ARID1B: variants seen among roughly 807,000 people sequenced by gnomAD.
ARID1B encodes AT-rich interaction domain 1B.
In ARID1B, 30 loss-of-function variants were observed where a neutral mutation model predicts 212.3. The ratio of observed to expected loss-of-function variants is 0.14; its 90% CI spans 0.11 to 0.19. ARID1B has a LOEUF of 0.19. Among genes scored for constraint, ARID1B ranks in the 10% least tolerant of loss-of-function variants. ARID1B has a pLI of 1.00. For missense variants in ARID1B, 2,891 were observed against 3,204.0 expected (o/e 0.90, Z 2.36); for synonymous variants, 1,402 against 1,301.7 (o/e 1.08, Z -1.66).
chr6:157,089,717 A>G (rs912963989), intron 5 of ARID1B, among the ~76,000 whole-genome samples: 3 of 152,146 alleles, frequency 2.0e-5, no homozygotes, highest in Non-Finnish European at 4.4e-5. Context: ...ATACTGATGT[A>G]TTTATATTTA....
intron 1 of ARID1B, among the ~76,000 whole-genome samples, chr6:156,788,041 T>A (rs140849106): frequency 1.6e-3 from 247 of 152,220 alleles, no homozygotes; most frequent in African/African-American, 5.6e-3. Flanking sequence ...TGGGGCTTGT[T>A]TTCTCATTCT....
intron 4 of ARID1B, among the ~76,000 whole-genome samples, chr6:157,026,930 T>C (rs1210913540): frequency 1.3e-5 from 2 of 152,222 alleles, no homozygotes; most frequent in Admixed American, 1.3e-4. Flanking sequence ...TTACAGAGTG[T>C]CCTGTATTAG....
intron 4 of ARID1B, among the ~76,000 whole-genome samples, chr6:157,068,395 T>G (rs966560364): frequency 1.6e-4 from 24 of 152,322 alleles, no homozygotes; most frequent in Admixed American, 9.2e-4. Flanking sequence ...TCTTGTTTTA[T>G]GGACCTGTGC....
At chr6:157,130,861 G>A (rs1788497301) in intron 6 of ARID1B, among the ~76,000 whole-genome samples, 2 of 152,190 alleles carry the variant, frequency 1.3e-5, no homozygotes, top group Non-Finnish European at 1.5e-5. Flanking sequence ...ACCTGGTAAC[G>A]TGGGCCCCTC....
chr6:156,934,912 TTATATATATATATATATATATATATA>T lies in ARID1B; in HGVS notation c.2137-529_2137-504del, dbSNP rs201495355. Among the ~76,000 whole-genome samples the T allele has an allele frequency of 4.9e-3, 258 of 52,688 alleles. 3 individuals carry two copies. Among genetic ancestry groups the T allele is most frequent in the East Asian group, 0.011 (12 of 1,100 alleles). 34.6% of individuals were successfully genotyped at this position (52,688 alleles called of 152,430 possible). On this transcript the variant is annotated intron_variant, in intron 3 of 19. Coordinates refer to ENST00000636930, the MANE Select transcript of ARID1B (RefSeq NM_001374828.1). ...GTCTCATAATAAATTTAGTTGTTAA[TTATATATATATATATATATATATATA>T]TATATATATATATATATATATATAG...
rs1301230945 is a variant in ARID1B at position 156,778,208 on chromosome 6, C to A, written c.528C>A (p.His176Gln). 6.5e-7 allele frequency: 1 copy of A among 1,540,282 alleles called. No homozygotes were observed. Among genetic ancestry groups the A allele is most frequent in the East Asian group, 2.4e-5 (1 of 40,828 alleles). ...ACCACCACCACCATGCCCACCACCACCACCACCATGCCCACCACCTCCACC... is the reference window on the plus strand; with the variant it reads ...ACCACCACCACCATGCCCACCACCAACACCACCATGCCCACCACCTCCACC... ...QHHHHHHAHH[H>Q]HHHAHHLHHH... is the part of the protein sequence containing the mutation. The change falls in exon 1 of 20, where the codon CAC becomes CAA. Residue 176 changes from histidine to glutamine, a missense_variant. His to Gln is a conservative substitution (Grantham distance 24). This residue lies in a region of ARID1B where 1,643 missense variants were observed against 1,544.0 expected (regional missense o/e 1.06). Coordinates refer to ENST00000636930, the MANE Select transcript of ARID1B (RefSeq NM_001374828.1).
intron 13 of ARID1B, chr6:157,186,586 T>C (rs1447563708): frequency 2.1e-6 from 1 of 465,650 alleles, no homozygotes; most frequent in Non-Finnish European, 4.5e-6. Context: ...GGAAACATTT[T>C]TGTTGTTAAA....
intron 4 of ARID1B, among the ~76,000 whole-genome samples, chr6:157,069,938 T>TA (rs1783907196): frequency 6.6e-6 from 1 of 152,210 alleles, no homozygotes. Flanking sequence ...GTTGTTCTCT[T>TA]AAAAGGCATG....
rs183544674 is a variant in ARID1B at position 157,118,481 on chromosome 6, C to T, written c.2581+7920C>T. Among the ~76,000 whole-genome samples the T allele has an allele frequency of 4.6e-5, 7 of 152,344 alleles. No individual in the cohort carries two copies. The East Asian group carries it at 1.3e-3, about 29-fold the overall frequency. On this transcript the variant is annotated intron_variant, in intron 6 of 19. Transcript: ENST00000636930. Reference sequence around the variant, plus strand: ...ATCAGCAATAATCTACCCTCACCCCCAGATGCAATTAACTTAGCCTCCACT... The same window carrying T: ...ATCAGCAATAATCTACCCTCACCCCTAGATGCAATTAACTTAGCCTCCACT...
chr6:156,988,701 TTTCAGGAGAGTGGGGAAGTGCGC>T (rs1778088406), intron 4 of ARID1B, among the ~76,000 whole-genome samples: 1 of 152,188 alleles, frequency 6.6e-6, no homozygotes, highest in African/African-American at 2.4e-5. Flanking sequence ...TTTGCCTGTG[TTTCAGGAGAGTGGGGAAGTGCGC>T]TTCAATCACT....
chr6:156,836,300 A>G (rs142211971), intron 2 of ARID1B, among the ~76,000 whole-genome samples: 18 of 152,278 alleles, frequency 1.2e-4, no homozygotes, highest in African/African-American at 2.2e-4. Flanking sequence ...GCCCATATCA[A>G]TGACACCTGA....
chr6:157,026,140 G>T (rs1035835017), intron 4 of ARID1B, among the ~76,000 whole-genome samples: 1 of 152,146 alleles, frequency 6.6e-6, no homozygotes, highest in African/African-American at 2.4e-5. Context: ...GGCCAGGCTG[G>T]TCTCAAACTC....
chr6:156,946,144 G>T (rs567204392), intron 4 of ARID1B, among the ~76,000 whole-genome samples: 1 of 149,520 alleles, frequency 6.7e-6, no homozygotes. Context: ...ACCACTTGAG[G>T]TCAGGAGTTC....
intron 4 of ARID1B, among the ~76,000 whole-genome samples, chr6:157,039,432 G>T (rs191255271): frequency 1.4e-5 from 2 of 147,012 alleles, no homozygotes; most frequent in East Asian, 4.1e-4. Context: ...CCGGGTTCAC[G>T]CCATTCTCCT....
Position 157,201,544 on chromosome 6 carries a change from T to C in ARID1B, c.5263+56T>C. On this transcript the variant is annotated intron_variant, in intron 18 of 19. Transcript: ENST00000636930. The surrounding 1 kb of genome is among the most constrained non-coding windows in gnomAD (Gnocchi z 5.2). ...GAATTCCAGTTGCAGTGTAGAATTT[T>C]AATTTTAGTAAAGATGCTGTTCCTG... 1.4e-6 allele frequency: 2 copies of C among 1,469,894 alleles called. No homozygotes were observed. Among genetic ancestry groups the C allele is most frequent in the Non-Finnish European group, 1.8e-6 (2 of 1,107,824 alleles). 91.1% of individuals were successfully genotyped at this position (1,469,894 alleles called of 1,614,324 possible).
At chr6:156,928,658 A>G (rs1406315235) in intron 3 of ARID1B, among the ~76,000 whole-genome samples, 1 of 152,174 alleles carries the variant, frequency 6.6e-6, no homozygotes, top group African/African-American at 2.4e-5. Flanking sequence ...ACAGGGAGAA[A>G]GAGAAGAGCC....
intron 4 of ARID1B, among the ~76,000 whole-genome samples, chr6:157,011,751 C>G (rs956392665): frequency 1.3e-5 from 2 of 152,162 alleles, no homozygotes; most frequent in African/African-American, 2.4e-5. Context: ...CATAAGACTT[C>G]CTACTGTTGT....
intron 4 of ARID1B, among the ~76,000 whole-genome samples, chr6:156,951,116 A>G (rs1432284608): frequency 2.6e-5 from 4 of 152,194 alleles, no homozygotes; most frequent in East Asian, 3.8e-4. Flanking sequence ...TTATTTTTAA[A>G]TATACCAGTG....
intron 16 of ARID1B, among the ~76,000 whole-genome samples, chr6:157,197,591 C>T (rs749561557): frequency 4.6e-5 from 7 of 152,278 alleles, no homozygotes; most frequent in Admixed American, 2.6e-4. Flanking sequence ...GGCCATAATA[C>T]GGCCAATATT....
Sources: allele counts gnomAD v4.1 joint callset (sites outside exome capture counted in the v4.1 genomes callset), GRCh38; gene constraint gnomAD v4.1.1; regional missense constraint gnomAD v4.1.1; non-coding constraint Gnocchi (gnomAD v3.1); transcripts MANE v1.5; gene names NCBI Gene and HGNC (gene_info 2026-07-23, HGNC 2026-07-21).